CACNA1C: variants seen among roughly 807,000 people sequenced by gnomAD.
The protein encoded by CACNA1C is voltage-dependent L-type calcium channel subunit alpha-1C.
Under a neutral mutation model 229.0 loss-of-function variants are expected in CACNA1C, and 30 were observed. That is an observed-to-expected ratio of 0.13 (90% CI 0.10 to 0.18). The LOEUF (loss-of-function observed/expected upper bound fraction) is 0.18. CACNA1C is among the 10% of genes least tolerant of loss of function. CACNA1C has a pLI of 1.00. For missense variants in CACNA1C, 1,658 were observed against 2,845.0 expected (o/e 0.58, Z 9.49); for synonymous variants, 1,114 against 1,132.5 (o/e 0.98, Z 0.33).
rs114054816 is a variant in CACNA1C at position 2,172,937 on chromosome 12, G to A, written c.477+52507G>A. ...CAGTGGACAGCAGAGTTGGTGAGGA[G>A]CTGGGAGGGGGATTCACCAGGAAGG... On this transcript the variant is annotated intron_variant, in intron 3 of 46. Transcript: ENST00000399655. Among the ~76,000 whole-genome samples the A allele has an allele frequency of 6.7e-3, 1,023 of 152,308 alleles. 11 individuals are homozygous for A. The highest frequency in any genetic ancestry group is 0.023 in the African/African-American group (970 of 41,554).
chr12:2,203,986 G>A (rs2097679608), intron 3 of CACNA1C, among the ~76,000 whole-genome samples: 1 of 152,160 alleles, frequency 6.6e-6, no homozygotes, highest in Non-Finnish European at 1.5e-5. Flanking sequence ...AATGATGCTT[G>A]CAAAACAACA....
chr12:2,517,548 C>G (rs2099799788), intron 9 of CACNA1C, among the ~76,000 whole-genome samples: 1 of 152,218 alleles, frequency 6.6e-6, no homozygotes, highest in Admixed American at 6.5e-5. Context: ...TGTACTGTTG[C>G]CCTGGATGTG....
intron 1 of CACNA1C, among the ~76,000 whole-genome samples, chr12:2,085,387 T>G (rs2249389): frequency 0.043 from 6,600 of 152,274 alleles, 443 homozygotes; most frequent in East Asian, 0.18. Flanking sequence ...ATTTTTTAAT[T>G]GAATAGCTGC....
At chr12:2,003,829 G>C (rs1470353958) in intron 1 of CACNA1C, among the ~76,000 whole-genome samples, 1 of 152,028 alleles carries the variant, frequency 6.6e-6, no homozygotes, top group Non-Finnish European at 1.5e-5. Flanking sequence ...ATCAAGTTTT[G>C]ATTTCTCTTT....
chr12:2,550,272 G>A (rs1354967068), intron 10 of CACNA1C, among the ~76,000 whole-genome samples: 2 of 152,144 alleles, frequency 1.3e-5, no homozygotes, highest in Admixed American at 6.5e-5. Flanking sequence ...TCACTTCTTC[G>A]GGGGTGCTGA....
At chr12:2,103,281 CT>C (rs2077075888) in intron 1 of CACNA1C, among the ~76,000 whole-genome samples, 1 of 152,222 alleles carries the variant, frequency 6.6e-6, no homozygotes, top group African/African-American at 2.4e-5. Flanking sequence ...ACCATTCTAA[CT>C]GGCATGAGAT....
At chr12:2,198,688 A>T (rs553463588) in intron 3 of CACNA1C, among the ~76,000 whole-genome samples, 10 of 152,204 alleles carry the variant, frequency 6.6e-5, no homozygotes, top group African/African-American at 2.4e-4. Flanking sequence ...CAGAGGTGGG[A>T]GGTGGGGAGG....
intron 3 of CACNA1C, chr12:2,217,890 G>A (rs1014320606): frequency 1.3e-5 from 2 of 152,192 alleles, no homozygotes; most frequent in African/African-American, 2.4e-5. Context: ...CCAGGTCCCT[G>A]CTCAGGCCGT....
Position 2,053,102 on chromosome 12 carries a change from G to C in CACNA1C, c.-461G>C. ...CCTGCCTCCGCGCCCAGGAGTTGCC[G>C]GCTCCCTTTGACAGCAGAGAGCCGG... On this transcript the variant is annotated 5_prime_UTR_variant, in exon 1 of 47. Coordinates refer to ENST00000399655, the MANE Select transcript of CACNA1C (RefSeq NM_000719.7). The surrounding 1 kb of genome is among the most constrained non-coding windows in gnomAD (Gnocchi z 5.8). The C allele has an allele frequency of 3.0e-6, 3 of 984,692 alleles. No homozygotes were observed. Among genetic ancestry groups the C allele is most frequent in the Non-Finnish European group, 3.6e-6 (3 of 829,588 alleles). The allele number at this position is 984,692 out of a possible 1,614,324, so 61.0% of individuals were successfully genotyped here.
chr12:2,606,154 C>G (rs2075240841), intron 24 of CACNA1C, among the ~76,000 whole-genome samples: 1 of 152,216 alleles, frequency 6.6e-6, no homozygotes, highest in African/African-American at 2.4e-5. Flanking sequence ...CACCACCCAG[C>G]TTTCAGAGCC....
intron 1 of CACNA1C, among the ~76,000 whole-genome samples, chr12:2,076,405 A>G (rs2063202741): frequency 6.6e-6 from 1 of 152,104 alleles, no homozygotes; most frequent in Admixed American, 6.6e-5. Context: ...GCTCGTACAC[A>G]TACAGCTCAG....
At chr12:2,669,161 C>T (rs547146657) in intron 38 of CACNA1C, 126 bp downstream of exon 38, 175 of 730,328 alleles carry the variant, frequency 2.4e-4, no homozygotes, top group African/African-American at 2.1e-3. Flanking sequence ...AGCTGGGATA[C>T]GGGGGTAACG....
At chr12:2,309,827 A>C (rs938888569) in intron 3 of CACNA1C, among the ~76,000 whole-genome samples, 1 of 152,226 alleles carries the variant, frequency 6.6e-6, no homozygotes, top group African/African-American at 2.4e-5. Context: ...GAGGGAAGAA[A>C]TGAGGAAGTG....
intron 3 of CACNA1C, among the ~76,000 whole-genome samples, chr12:2,148,271 C>T (rs1031710263): frequency 6.6e-6 from 1 of 151,232 alleles, no homozygotes; most frequent in Non-Finnish European, 1.5e-5. Context: ...CTCTGTCTTT[C>T]GTATTGAAAT....
chr12:2,013,462 T>C (rs901683717), intron 1 of CACNA1C, among the ~76,000 whole-genome samples: 1 of 152,256 alleles, frequency 6.6e-6, no homozygotes, highest in Non-Finnish European at 1.5e-5. Flanking sequence ...AAAGAATTAC[T>C]GCTCCTCATT....
intron 1 of CACNA1C, among the ~76,000 whole-genome samples, chr12:2,091,513 C>G (rs1197756359): frequency 2.0e-5 from 3 of 152,198 alleles, no homozygotes; most frequent in African/African-American, 4.8e-5. Context: ...TGGCTCATGG[C>G]CCTCTCCTCT....
At chr12:2,165,083 A>G (rs572988865) in intron 3 of CACNA1C, among the ~76,000 whole-genome samples, 8 of 152,342 alleles carry the variant, frequency 5.3e-5, no homozygotes, top group African/African-American at 1.9e-4. Context: ...TGCACATGAT[A>G]GCATTTTAAT....
In CACNA1C at chr12:2,605,253, A is replaced by C. The variant is rs1034675678; in HGVS notation, c.3048+85A>C. The C allele has an allele frequency of 3.2e-5, 30 of 950,818 alleles. No homozygotes were observed. The highest frequency in any genetic ancestry group is 5.1e-5 in the Non-Finnish European group (30 of 592,936). 58.9% of individuals were successfully genotyped at this position (950,818 alleles called of 1,614,324 possible). On this transcript the variant is annotated intron_variant, in intron 23 of 46. Coordinates refer to ENST00000399655, the MANE Select transcript of CACNA1C (RefSeq NM_000719.7). This position sits in a 1 kb window ranked among gnomAD's most constrained non-coding sequence, Gnocchi z 6.2. ...CAGAGGTGAGGGGTGGGTTGGAAGGAGATGATGGTCAGACCAAGTGGCTGC... is the reference window on the plus strand; with the variant it reads ...CAGAGGTGAGGGGTGGGTTGGAAGGCGATGATGGTCAGACCAAGTGGCTGC...
chr12:2,080,437 T>C (rs2065085251), intron 1 of CACNA1C, among the ~76,000 whole-genome samples: 1 of 151,628 alleles, frequency 6.6e-6, no homozygotes, highest in African/African-American at 2.4e-5. Flanking sequence ...CCATCTCTAC[T>C]AAAAATACAA....
Sources: gnomAD v4.1 joint callset for allele counts (sites outside exome capture counted in the v4.1 genomes callset) on GRCh38, gnomAD v4.1.1 for gene constraint, Gnocchi (gnomAD v3.1) non-coding constraint, MANE v1.5 for transcripts, NCBI Gene and HGNC (gene_info 2026-07-23, HGNC 2026-07-21) for gene names.